PROP1: variants seen among roughly 807,000 people sequenced by gnomAD.
PROP1 encodes PROP paired-like homeobox 1, also known as homeobox protein prophet of Pit-1.
In PROP1, 12 loss-of-function variants were observed where a neutral mutation model predicts 22.3. The ratio of observed to expected loss-of-function variants is 0.54; its 90% CI spans 0.34 to 0.87. PROP1 has a LOEUF of 0.87. Among genes scored for constraint, PROP1 ranks in the 40% least tolerant of loss-of-function variants. PROP1 has a pLI of 0.01. For synonymous variants in PROP1, 112 were observed against 116.7 expected (o/e 0.96, Z 0.26); for missense variants, 278 against 295.1 (o/e 0.94, Z 0.43).
At chr5:177,995,468 A>C (rs1755740591) in intron 1 of PROP1, among the ~76,000 whole-genome samples, 1 of 151,020 alleles carries the variant, frequency 6.6e-6, no homozygotes, top group Non-Finnish European at 1.5e-5. Flanking sequence ...ACACACACGG[A>C]GCCCGCCCTC....
intron 1 of PROP1, 131 bp downstream of exon 1, chr5:177,995,694 G>T (rs902489948): frequency 2.7e-6 from 2 of 745,378 alleles, no homozygotes; most frequent in African/African-American, 1.7e-5. Flanking sequence ...ACTTTCAAAG[G>T]TTCCCACAGT....
In PROP1 at chr5:177,992,450, T is replaced by G; in HGVS notation, c.*259A>C. The G allele has an allele frequency of 1.9e-6, 1 of 525,744 alleles. No homozygotes were observed. Among genetic ancestry groups the G allele is most frequent in the Non-Finnish European group, 3.4e-6 (1 of 296,180 alleles). The allele number at this position is 525,744 out of a possible 1,614,324, so 32.6% of individuals were successfully genotyped here. ...CATCTCCACTCACCAGCAACTGTCT[T>G]CATCAATATCACCCTTCAGCAGGCA... is the stretch of plus-strand genomic sequence containing the variant. On this transcript the variant is annotated 3_prime_UTR_variant, in exon 3 of 3. Transcript: ENST00000308304.
In PROP1 at chr5:177,994,246, A is replaced by G; in HGVS notation, c.202T>C (p.Ser68Pro). ...PQGGQRGRPH[S>P]RRRHRTTFSP... The stretch of plus-strand genomic sequence containing the variant: ...AAGGTGGTGCGGTGGCGGCGCCGGG[A>G]GTGCGGGCGGCCCCTCTGTCCTCCT... The change falls in exon 2 of 3, where the codon TCC (serine) becomes CCC (proline). Residue 68 changes from serine (S) to proline (P), a missense_variant. By Grantham distance (74) the Ser-to-Pro change is moderately conservative. Transcript: ENST00000308304. 1 of 1,613,846 alleles carries G rather than the reference A, an allele frequency of 6.2e-7. No homozygotes were observed. The highest frequency in any genetic ancestry group is 1.1e-5 in the South Asian group (1 of 91,066).
intron 2 of PROP1, 87 bp downstream of exon 2, chr5:177,994,019 G>C: frequency 7.0e-7 from 1 of 1,422,584 alleles, no homozygotes; most frequent in Non-Finnish European, 9.9e-7. Context: ...TGACCATTTA[G>C]GTTAGGGTTA....
chr5:177,993,095 G>GTGACACCCTATGTCAA (rs1194693018), intron 2 of PROP1, 48 bp from the exon 3 acceptor site: 2 of 1,503,860 alleles, frequency 1.3e-6, no homozygotes, highest in Non-Finnish European at 1.8e-6. Context: ...GACATAGGTG[G>GTGACACCCTATGTCAA]TGACACCCTA....
chr5:177,992,934 A>G lies in PROP1; in HGVS notation c.456T>C (p.Ala152=), dbSNP rs758911793. 1.7e-5 allele frequency: 27 copies of G among 1,613,792 alleles called. No individual in the cohort carries two copies. The highest frequency in any genetic ancestry group is 3.3e-4 in the Middle Eastern group (2 of 6,064). The part of the protein sequence containing the change: ...AFSSFLPEST[A]CPYSYAAPPP... ...GTGGTGCTGCGTAAGAATAGGGGCA[A>G]GCAGTGGACTCTGGCAAGAAGCTGG... is the stretch of plus-strand genomic sequence containing the variant. Residue 152 remains alanine (A), a synonymous_variant, in exon 3 of 3, where the codon GCT becomes GCC. Transcript: ENST00000308304.
Position 177,992,772 on chromosome 5 carries a change from C to A in PROP1, c.618G>T (p.Leu206=), listed in dbSNP as rs765098843. ...GCATGGGAGGGGGTGGGGGGCAGGG[C>A]AGATGGCCGGCAGGGGCTGGGTGCA... ...PTLHPAPAGH[L]PCPPPPPMLP... The change falls in exon 3 of 3, where the codon CTG becomes CTT. Residue 206 remains leucine, a synonymous_variant. Transcript: ENST00000308304. 32 of 1,581,728 alleles carry A rather than the reference C, an allele frequency of 2.0e-5. No homozygotes were observed. Among genetic ancestry groups the A allele is most frequent in the Non-Finnish European group, 2.6e-5 (30 of 1,165,434 alleles).
At chr5:177,994,583 G>A (rs1755712373) in intron 1 of PROP1, among the ~76,000 whole-genome samples, 1 of 152,024 alleles carries the variant, frequency 6.6e-6, no homozygotes, top group African/African-American at 2.4e-5. Flanking sequence ...GACTACAGGT[G>A]CACACCAACA....
chr5:177,995,956 T>A lies in PROP1; in HGVS notation c.-23A>T. 6.3e-7 allele frequency: 1 copy of A among 1,598,252 alleles called. No individual in the cohort carries two copies. The highest frequency in any genetic ancestry group is 8.6e-7 in the Non-Finnish European group (1 of 1,167,360). Reference sequence around the variant, plus strand: ...CATGGCTCGCCACGGGGACCAAGTGTCCCTGAATCTCTGACTTGAGATTTC... The same window carrying A: ...CATGGCTCGCCACGGGGACCAAGTGACCCTGAATCTCTGACTTGAGATTTC... On this transcript the variant is annotated 5_prime_UTR_variant, in exon 1 of 3. Transcript: ENST00000308304.
At chr5:177,994,470 C>T (rs1755707136) in intron 1 of PROP1, 132 bp from the exon 2 acceptor site, 3 of 765,466 alleles carry the variant, frequency 3.9e-6, no homozygotes, top group Non-Finnish European at 4.2e-6. Flanking sequence ...CAGAGTCTTG[C>T]TCTGTCTCCC....
At position 177,996,111 on chromosome 5, in the gene PROP1, A is replaced by G; in HGVS notation, c.-178T>C. 1.6e-6 allele frequency: 1 copy of G among 639,158 alleles called. No homozygotes were observed. Among genetic ancestry groups the G allele is most frequent in the East Asian group, 2.7e-5 (1 of 36,412 alleles). The allele number at this position is 639,158 out of a possible 1,614,324, so 39.6% of individuals were successfully genotyped here. Reference sequence around the variant, plus strand: ...TGTCTCTGACTTTTTCACTGTCTTTACTTTTTTTCTAATTGTTTCCTAATT... The same window carrying G: ...TGTCTCTGACTTTTTCACTGTCTTTGCTTTTTTTCTAATTGTTTCCTAATT... On this transcript the variant is annotated 5_prime_UTR_variant, in exon 1 of 3. Coordinates refer to ENST00000308304, the MANE Select transcript of PROP1 (RefSeq NM_006261.5).
At chr5:177,995,089 C>T (rs1456403425) in intron 1 of PROP1, among the ~76,000 whole-genome samples, 4 of 152,152 alleles carry the variant, frequency 2.6e-5, no homozygotes, top group South Asian at 4.1e-4. Context: ...TGGCGAGGCT[C>T]CTGTTCAACC....
Position 177,995,939 on chromosome 5 carries a change from G to A in PROP1, c.-6C>T, listed in dbSNP as rs774458509. Reference sequence around the variant, plus strand: ...CGCCTCCTTTCTGCTTCCATGGCTCGCCACGGGGACCAAGTGTCCCTGAAT... The same window carrying A: ...CGCCTCCTTTCTGCTTCCATGGCTCACCACGGGGACCAAGTGTCCCTGAAT... On this transcript the variant is annotated 5_prime_UTR_variant, in exon 1 of 3. Transcript: ENST00000308304. 1.3e-5 allele frequency: 21 copies of A among 1,610,298 alleles called. No individual in the cohort carries two copies. Among genetic ancestry groups the A allele is most frequent in the East Asian group, 1.1e-4 (5 of 44,836 alleles).
At chr5:177,993,234 C>T (rs1369218406) in intron 2 of PROP1, among the ~76,000 whole-genome samples, 187 bp from the exon 3 acceptor site, 2 of 152,202 alleles carry the variant, frequency 1.3e-5, no homozygotes, top group South Asian at 2.1e-4. Context: ...TGTCCCCAGC[C>T]TCTGTCCACA....
chr5:177,994,365 G>A (rs979873151), intron 1 of PROP1, 27 bp from the exon 2 acceptor site: 3 of 1,553,076 alleles, frequency 1.9e-6, no homozygotes, highest in Non-Finnish European at 2.6e-6. Flanking sequence ...GGGAGGGGCG[G>A]CTTCTGAGGA....
intron 2 of PROP1, among the ~76,000 whole-genome samples, chr5:177,993,469 C>T (rs1013775293): frequency 6.6e-6 from 1 of 152,106 alleles, no homozygotes; most frequent in Non-Finnish European, 1.5e-5. Context: ...ATTGAGGGAG[C>T]ATTTGGCTCA....
At chr5:177,993,994 G>A in intron 2 of PROP1, 112 bp downstream of exon 2, 1 of 1,111,106 alleles carries the variant, frequency 9.0e-7, no homozygotes, top group Non-Finnish European at 1.4e-6. Context: ...GTGGTGAGAT[G>A]AGGCCTGTGT....
At position 177,992,766 on chromosome 5, in the gene PROP1, G is replaced by A. The variant is rs761651134; in HGVS notation, c.624C>T (p.Cys208=). ...GGGGGAGCATGGGAGGGGGTGGGGGGCAGGGCAGATGGCCGGCAGGGGCTG... is the reference window on the plus strand; with the variant it reads ...GGGGGAGCATGGGAGGGGGTGGGGGACAGGGCAGATGGCCGGCAGGGGCTG... ...LHPAPAGHLP[C]PPPPPMLPLS... Residue 208 remains cysteine, a synonymous_variant, in exon 3 of 3, where the codon TGC becomes TGT. Transcript: ENST00000308304. 13 of 1,059,596 alleles carry A rather than the reference G, an allele frequency of 1.2e-5. No individual in the cohort carries two copies. In the East Asian group the frequency reaches 2.7e-4, roughly 22 times the overall value. The allele number at this position is 1,059,596 out of a possible 1,614,324, so 65.6% of individuals were successfully genotyped here.
At chr5:177,994,799 G>A (rs922150945) in intron 1 of PROP1, among the ~76,000 whole-genome samples, 12 of 151,864 alleles carry the variant, frequency 7.9e-5, no homozygotes, top group East Asian at 1.9e-4. Context: ...GCTCAGCCTC[G>A]GCCCCTGGTT....
Sources: allele counts gnomAD v4.1 joint callset (sites outside exome capture counted in the v4.1 genomes callset), GRCh38; gene constraint gnomAD v4.1.1; transcripts MANE v1.5; gene names NCBI Gene and HGNC (gene_info 2026-07-23, HGNC 2026-07-21).